LMNTD1: variants seen among roughly 807,000 people sequenced by gnomAD.
LMNTD1 encodes lamin tail domain-containing protein 1.
In LMNTD1, 35 loss-of-function variants were observed where a neutral mutation model predicts 50.9. The observed-to-expected ratio is 0.69, with a 90% CI of 0.53 to 0.91. The LOEUF is 0.91. LMNTD1 is among the 40% of genes least tolerant of loss of function. The pLI is 0.00. For missense variants in LMNTD1, 470 were observed against 475.5 expected, an observed-to-expected ratio of 0.99 and a Z score of 0.11; for synonymous variants, 153 against 161.9, an observed-to-expected ratio of 0.94 and a Z score of 0.42.
intron 9 of LMNTD1, among the ~76,000 whole-genome samples, chr12:25,502,293 TTC>T (rs1271570015): frequency 1.3e-5 from 2 of 152,172 alleles, no homozygotes; most frequent in East Asian, 3.9e-4. Context: ...TTCAGTAGAA[TTC>T]TCTCTGGCTA....
At chr12:25,533,230 GTTATCT>G (rs1942344636) in intron 4 of LMNTD1, among the ~76,000 whole-genome samples, 1 of 152,094 alleles carries the variant, frequency 6.6e-6, no homozygotes, top group Non-Finnish European at 1.5e-5. Flanking sequence ...GCCTTTAGTA[GTTATCT>G]TTTTCTCTTC....
intron 1 of LMNTD1, among the ~76,000 whole-genome samples, chr12:25,580,587 G>GTCTTTATAGTAAT (rs1367965547): frequency 6.6e-6 from 1 of 152,072 alleles, no homozygotes; most frequent in East Asian, 1.9e-4. Flanking sequence ...AATATAGACA[G>GTCTTTATAGTAAT]TCTTTATAGT....
intron 9 of LMNTD1, among the ~76,000 whole-genome samples, chr12:25,493,066 A>C (rs1938938697): frequency 6.6e-6 from 1 of 152,118 alleles, no homozygotes; most frequent in African/African-American, 2.4e-5. Context: ...CTTGGCACCT[A>C]TCTGCAATTA....
intron 4 of LMNTD1, among the ~76,000 whole-genome samples, chr12:25,541,276 C>A (rs1943053354): frequency 9.7e-6 from 1 of 103,054 alleles, no homozygotes; most frequent in South Asian, 3.1e-4. Context: ...CAATTCAATC[C>A]TAAGCCAAAA....
At chr12:25,483,389 C>T (rs1368567491) in intron 9 of LMNTD1, among the ~76,000 whole-genome samples, 4 of 150,844 alleles carry the variant, frequency 2.7e-5, no homozygotes, top group Non-Finnish European at 6.0e-5. Flanking sequence ...TGCCACTGCA[C>T]TCCAGCTTGG....
chr12:25,563,324 G>C (rs1944415637), intron 1 of LMNTD1, among the ~76,000 whole-genome samples: 1 of 152,134 alleles, frequency 6.6e-6, no homozygotes, highest in African/African-American at 2.4e-5. Flanking sequence ...CAGGGTTTTG[G>C]TGTGGATGTC....
intron 1 of LMNTD1, among the ~76,000 whole-genome samples, chr12:25,586,747 T>C (rs930203609): frequency 7.9e-5 from 12 of 152,218 alleles, no homozygotes; most frequent in African/African-American, 2.7e-4. Flanking sequence ...GAGTCTCTGA[T>C]ACGATGGTGA....
intron 7 of LMNTD1, among the ~76,000 whole-genome samples, chr12:25,519,461 G>C (rs1042276799): frequency 3.3e-5 from 5 of 151,666 alleles, no homozygotes; most frequent in Non-Finnish European, 5.9e-5. Context: ...GGTGGTGGGC[G>C]CCTGTAGTCC....
At chr12:25,585,371 T>G (rs1468623605) in intron 1 of LMNTD1, among the ~76,000 whole-genome samples, 1 of 152,212 alleles carries the variant, frequency 6.6e-6, no homozygotes, top group Non-Finnish European at 1.5e-5. Flanking sequence ...GTGTTCTTTC[T>G]GCCAAAAATC....
At chr12:25,567,496 G>C (rs550664767) in intron 1 of LMNTD1, among the ~76,000 whole-genome samples, 22 of 152,174 alleles carry the variant, frequency 1.4e-4, no homozygotes, top group African/African-American at 5.3e-4. Flanking sequence ...GATATGGCTT[G>C]GATATTTGTC....
At chr12:25,605,920 T>C (rs1016613650) in intron 1 of LMNTD1, among the ~76,000 whole-genome samples, 2 of 152,234 alleles carry the variant, frequency 1.3e-5, no homozygotes, top group Non-Finnish European at 2.9e-5. Context: ...TAAATTACCT[T>C]GGGCAGTATG....
At chr12:25,594,928 C>T (rs1171484436) in intron 1 of LMNTD1, among the ~76,000 whole-genome samples, 1 of 152,028 alleles carries the variant, frequency 6.6e-6, no homozygotes, top group Non-Finnish European at 1.5e-5. Context: ...AGCAGGTGTA[C>T]TATTCTTATA....
At chr12:25,488,714 T>C (rs1938759997) in intron 9 of LMNTD1, among the ~76,000 whole-genome samples, 1 of 152,166 alleles carries the variant, frequency 6.6e-6, no homozygotes. Context: ...GCACTCTGCG[T>C]TTTAGAGTTT....
chr12:25,575,551 T>A (rs148735587), intron 1 of LMNTD1, among the ~76,000 whole-genome samples: 34 of 152,264 alleles, frequency 2.2e-4, no homozygotes, highest in African/African-American at 7.9e-4. Flanking sequence ...TTGCTTCCAT[T>A]AAAGACAAAG....
chr12:25,648,043 G>A (rs898670948), intron 1 of LMNTD1, among the ~76,000 whole-genome samples: 1 of 152,112 alleles, frequency 6.6e-6, no homozygotes, highest in South Asian at 2.1e-4. Context: ...AGAGAATGTA[G>A]TTTTTTAAAA....
intron 1 of LMNTD1, among the ~76,000 whole-genome samples, chr12:25,606,879 A>T (rs963254454): frequency 6.6e-6 from 1 of 152,084 alleles, no homozygotes; most frequent in African/African-American, 2.4e-5. Context: ...TTCTTTTCCT[A>T]TTGATTGGAA....
At chr12:25,615,977 G>T (rs903450740) in intron 1 of LMNTD1, among the ~76,000 whole-genome samples, 3 of 152,044 alleles carry the variant, frequency 2.0e-5, no homozygotes, top group Admixed American at 2.0e-4. Context: ...ATGCCTACCA[G>T]GTAGCAGGCA....
chr12:25,521,023 A>G (rs1204612277), intron 6 of LMNTD1, among the ~76,000 whole-genome samples: 1 of 152,150 alleles, frequency 6.6e-6, no homozygotes, highest in Non-Finnish European at 1.5e-5. Context: ...AGAAATGTCT[A>G]TTCAGGTCTT....
intron 2 of LMNTD1, among the ~76,000 whole-genome samples, chr12:25,552,581 GAAAA>G (rs55848800): frequency 3.8e-4 from 22 of 58,152 alleles, no homozygotes; most frequent in Non-Finnish European, 6.5e-4. Context: ...CACTCTGTCT[GAAAA>G]AAAAAAAAAA....
Sources: allele counts gnomAD v4.1 joint callset (sites outside exome capture counted in the v4.1 genomes callset), GRCh38; gene constraint gnomAD v4.1.1; transcripts MANE v1.5; gene names NCBI Gene and HGNC (gene_info 2026-07-23, HGNC 2026-07-21).